Variants in SLC2A9 observed in about 807,000 individuals in gnomAD.
SLC2A9 encodes the protein solute carrier family 2, facilitated glucose transporter member 9.
Under a neutral mutation model 50.6 loss-of-function variants are expected in SLC2A9, and 39 were observed. That is an observed-to-expected ratio of 0.77 (90% CI 0.60 to 1.01). SLC2A9 has a LOEUF of 1.01. Ranked by LOEUF, SLC2A9 falls within the 50% of genes least tolerant of loss-of-function variation. The probability of loss-of-function intolerance (pLI) is 0.00; values close to 1 mark genes in which losing one functional copy is unlikely to be tolerated. For missense variants in SLC2A9, 686 were observed against 677.6 expected, an observed-to-expected ratio of 1.01 and a Z score of -0.14; for synonymous variants, 324 against 276.9, an observed-to-expected ratio of 1.17 and a Z score of -1.69.
intron 10 of SLC2A9, among the ~76,000 whole-genome samples, chr4:9,871,603 G>A (rs1376418018): frequency 7.9e-5 from 12 of 152,228 alleles, no homozygotes; most frequent in Non-Finnish European, 1.6e-4. Context: ...GAATTTAGGG[G>A]CCACCCTAAA....
intron 5 of SLC2A9, among the ~76,000 whole-genome samples, chr4:9,943,625 T>C (rs377690697): frequency 1.3e-5 from 2 of 152,230 alleles, no homozygotes; most frequent in Non-Finnish European, 2.9e-5. Flanking sequence ...CACTGAGCTG[T>C]ATACTTTAAA....
intron 2 of SLC2A9, 149 bp downstream of exon 2, chr4:10,018,826 C>G: frequency 2.8e-6 from 2 of 726,668 alleles, no homozygotes; most frequent in South Asian, 3.6e-5. Flanking sequence ...TGTGCCTCCC[C>G]TCTCCCCCGA....
chr4:9,977,526 TCTCTCC>T (rs1560421835), intron 5 of SLC2A9, among the ~76,000 whole-genome samples: 5 of 148,168 alleles, frequency 3.4e-5, no homozygotes, highest in African/African-American at 7.6e-5. Flanking sequence ...TTGCCAGCGG[TCTCTCC>T]CTCTCCCTCT....
At chr4:9,931,546 G>A (rs1268569698) in intron 6 of SLC2A9, among the ~76,000 whole-genome samples, 1 of 152,148 alleles carries the variant, frequency 6.6e-6, no homozygotes, top group Non-Finnish European at 1.5e-5. Flanking sequence ...CCTTCAAGGC[G>A]AGTGTGTTTC....
intron 5 of SLC2A9, among the ~76,000 whole-genome samples, chr4:9,946,000 C>T (rs2108803870): frequency 6.6e-6 from 1 of 152,296 alleles, no homozygotes; most frequent in East Asian, 1.9e-4. Flanking sequence ...TTTTAAAAAA[C>T]CGCATATTAC....
chr4:9,891,379 G>A (rs1322042576), intron 8 of SLC2A9, among the ~76,000 whole-genome samples: 1 of 152,208 alleles, frequency 6.6e-6, no homozygotes, highest in Non-Finnish European at 1.5e-5. Flanking sequence ...CCGAATGTCA[G>A]AGACAGGAAA....
At chr4:9,852,247 CTTTT>C (rs34058781) in intron 10 of SLC2A9, among the ~76,000 whole-genome samples, 3 of 140,848 alleles carry the variant, frequency 2.1e-5, no homozygotes, top group Non-Finnish European at 3.1e-5. Context: ...ATCCAGTATT[CTTTT>C]TTTTTTTTTT....
At chr4:9,773,514 TAGA>T (rs1314320618) in intron 1 of SLC2A9, among the ~76,000 whole-genome samples, 1 of 152,224 alleles carries the variant, frequency 6.6e-6, no homozygotes, top group Non-Finnish European at 1.5e-5. Context: ...TGAGTTCAAA[TAGA>T]AGAATATTTG....
intron 8 of SLC2A9, among the ~76,000 whole-genome samples, chr4:9,891,404 T>G (rs1438595047): frequency 1.3e-5 from 2 of 152,216 alleles, no homozygotes; most frequent in African/African-American, 4.8e-5. Flanking sequence ...GGGTTTATAT[T>G]CCGGCTTTAC....
intron 3 of SLC2A9, among the ~76,000 whole-genome samples, chr4:9,810,553 A>G (rs1722739902): frequency 6.6e-6 from 1 of 152,250 alleles, no homozygotes; most frequent in Non-Finnish European, 1.5e-5. Context: ...TAGTCTCACG[A>G]GAGACTGATA....
At position 9,802,859 on chromosome 4, in the gene SLC2A9, C is replaced by T. The variant is rs1032910066; in HGVS notation, n.421-3618G>A. 3.3e-5 allele frequency among the ~76,000 whole-genome samples: 5 copies of T among 152,242 alleles called. No homozygotes were observed. The East Asian group carries it at 5.8e-4, about 18-fold the overall frequency. On this transcript the variant is annotated intron_variant and non_coding_transcript_variant, in intron 3 of 3. Transcript: ENST00000503280. ...GATTACAGGCGTGAGCCACAGCGCC[C>T]GGCTGGGTAAAGAGTTTTCTAATCC... is the stretch of plus-strand genomic sequence containing the variant.
intron 5 of SLC2A9, among the ~76,000 whole-genome samples, chr4:9,967,976 G>A (rs1753304719): frequency 1.3e-5 from 2 of 152,090 alleles, no homozygotes; most frequent in Admixed American, 1.3e-4. Flanking sequence ...TCTAAGGTTT[G>A]AGTTTTGATA....
chr4:9,923,404 A>G (rs1288709300), intron 6 of SLC2A9, among the ~76,000 whole-genome samples: 1 of 152,048 alleles, frequency 6.6e-6, no homozygotes, highest in Non-Finnish European at 1.5e-5. Flanking sequence ...ATTGTTTGGG[A>G]AGGTATAACT....
At chr4:9,789,609 G>T (rs112088957) in intron 3 of SLC2A9, among the ~76,000 whole-genome samples, 1 of 152,210 alleles carries the variant, frequency 6.6e-6, no homozygotes, top group Non-Finnish European at 1.5e-5. Context: ...AGAGTTAAGC[G>T]GAGAATGTTG....
downstream of SLC2A9, among the ~76,000 whole-genome samples, chr4:9,823,189 G>C (rs1724644234): frequency 6.6e-6 from 1 of 152,118 alleles, no homozygotes; most frequent in African/African-American, 2.4e-5. Flanking sequence ...TCCATGGCTT[G>C]GAGGTGAGAG....
In SLC2A9 at chr4:9,887,577, G is replaced by A. The variant is rs375407623; in HGVS notation, c.1281C>T (p.Cys427=). The change falls in exon 10 of 12, where the codon TGC becomes TGT. Residue 427 remains cysteine, a synonymous_variant. Transcript: ENST00000264784. The part of the protein sequence containing the change: ...VGILAIIASF[C]SGPGGIPFIL... ...GGTGGGGTGCCTTACCTGGCCCACT[G>A]CAGAAAGAGGCGATGATGGCCAGAA... is the stretch of plus-strand genomic sequence containing the variant. 1.7e-5 allele frequency: 26 copies of A among 1,565,896 alleles called. No homozygotes were observed. In the Admixed American group the frequency reaches 2.6e-4, roughly 16 times the overall value.
intron 10 of SLC2A9, among the ~76,000 whole-genome samples, chr4:9,838,344 T>A (rs900943643): frequency 3.9e-5 from 6 of 152,194 alleles, no homozygotes; most frequent in African/African-American, 1.4e-4. Flanking sequence ...TACAAACCAC[T>A]GCTTAAAGAA....
At chr4:9,948,757 T>C (rs114525330) in intron 5 of SLC2A9, among the ~76,000 whole-genome samples, 4,580 of 152,312 alleles carry the variant, frequency 0.03, 232 homozygotes, top group African/African-American at 0.1. Context: ...TTCCCTCTGC[T>C]GAATCCTGGT....
chr4:9,945,693 G>A (rs1293554691), intron 5 of SLC2A9, among the ~76,000 whole-genome samples: 2 of 152,138 alleles, frequency 1.3e-5, no homozygotes, highest in Admixed American at 1.3e-4. Context: ...GGAGAGCTTG[G>A]TCTGAACTTC....
Sources: gnomAD v4.1 joint callset for allele counts (sites outside exome capture counted in the v4.1 genomes callset) on GRCh38, gnomAD v4.1.1 for gene constraint, MANE v1.5 for transcripts, NCBI Gene and HGNC (gene_info 2026-07-23, HGNC 2026-07-21) for gene names.